Variants in ST3GAL3 observed in about 807,000 individuals in gnomAD.
The protein encoded by ST3GAL3 is CMP-N-acetylneuraminate-beta-1,4-galactoside alpha-2,3-sialyltransferase.
A neutral mutation model predicts 50.1 loss-of-function variants in ST3GAL3; 21 were observed. That is an observed-to-expected ratio of 0.42 (90% CI 0.30 to 0.60). The LOEUF (loss-of-function observed/expected upper bound fraction) is 0.60. Among genes scored for constraint, ST3GAL3 ranks in the 20% least tolerant of loss-of-function variants. ST3GAL3 has a pLI of 0.19. For missense variants in ST3GAL3, 353 were observed against 489.4 expected (o/e 0.72, Z 2.63); for synonymous variants, 183 against 190.0 (o/e 0.96, Z 0.30).
At chr1:43,912,993 G>A (rs1317312312) in intron 9 of ST3GAL3, 5 of 152,336 alleles carry the variant, frequency 3.3e-5, no homozygotes, top group African/African-American at 7.2e-5. Flanking sequence ...TTGGGGAAAT[G>A]AGATGTGAGA....
chr1:43,869,437 CCATCTT>C (rs1471923830), intron 5 of ST3GAL3, among the ~76,000 whole-genome samples: 1 of 152,134 alleles, frequency 6.6e-6, no homozygotes, highest in Non-Finnish European at 1.5e-5. Context: ...CTTGTCAGTT[CCATCTT>C]ACGACTTTTC....
chr1:43,716,277 A>G (rs1167495127), intron 1 of ST3GAL3, among the ~76,000 whole-genome samples: 1 of 152,214 alleles, frequency 6.6e-6, no homozygotes, highest in Non-Finnish European at 1.5e-5. Context: ...CCATCCCAGG[A>G]AAGGTCACCA....
At chr1:43,760,714 C>A (rs942603837) in intron 2 of ST3GAL3, among the ~76,000 whole-genome samples, 1 of 152,038 alleles carries the variant, frequency 6.6e-6, no homozygotes, top group Non-Finnish European at 1.5e-5. Flanking sequence ...TGAGATCATA[C>A]CACTGCATTC....
intron 5 of ST3GAL3, among the ~76,000 whole-genome samples, chr1:43,876,226 A>T (rs983344025): frequency 1.3e-5 from 2 of 152,086 alleles, no homozygotes; most frequent in Non-Finnish European, 2.9e-5. Context: ...GGCCTCCTAA[A>T]GTACTGGGAT....
intron 1 of ST3GAL3, among the ~76,000 whole-genome samples, chr1:43,726,419 T>C (rs554629377): frequency 6.6e-6 from 1 of 152,214 alleles, no homozygotes; most frequent in Non-Finnish European, 1.5e-5. Context: ...CCCAAGTAGC[T>C]GGGACTACAG....
chr1:43,863,355 G>A (rs1224981815), intron 5 of ST3GAL3, among the ~76,000 whole-genome samples: 5 of 152,284 alleles, frequency 3.3e-5, no homozygotes, highest in Non-Finnish European at 7.4e-5. Context: ...GTAGCTGTGC[G>A]GGCTGTGGCA....
intron 5 of ST3GAL3, among the ~76,000 whole-genome samples, chr1:43,885,376 C>G (rs901479526): frequency 6.6e-6 from 1 of 152,190 alleles, no homozygotes; most frequent in South Asian, 2.1e-4. Context: ...CCTCCTTCCC[C>G]GGGTCCTTCT....
chr1:43,796,943 G>A (rs1181820809), intron 3 of ST3GAL3, among the ~76,000 whole-genome samples: 1 of 152,220 alleles, frequency 6.6e-6, no homozygotes, highest in Non-Finnish European at 1.5e-5. Flanking sequence ...CAACACTTTG[G>A]GAGGCTGAGG....
At chr1:43,738,884 A>G (rs888188169) in intron 2 of ST3GAL3, 2 of 152,182 alleles carry the variant, frequency 1.3e-5, no homozygotes, top group African/African-American at 4.8e-5. Flanking sequence ...CTGTGTTTTA[A>G]TAATACTGAT....
At chr1:43,902,550 G>A (rs1239456161) in intron 9 of ST3GAL3, among the ~76,000 whole-genome samples, 1 of 152,140 alleles carries the variant, frequency 6.6e-6, no homozygotes, top group African/African-American at 2.4e-5. Flanking sequence ...CTGGACAGTG[G>A]CACTGATATC....
chr1:43,780,338 AGTT>A (rs751123439), intron 2 of ST3GAL3, among the ~76,000 whole-genome samples: 43 of 152,148 alleles, frequency 2.8e-4, no homozygotes, highest in Non-Finnish European at 4.3e-4. Flanking sequence ...ACCTGTTTGT[AGTT>A]GTTCTCTCTG....
intron 5 of ST3GAL3, among the ~76,000 whole-genome samples, chr1:43,861,309 CAT>C (rs1386884810): frequency 3.9e-5 from 6 of 152,306 alleles, no homozygotes; most frequent in African/African-American, 9.6e-5. Flanking sequence ...ATGTCCATGA[CAT>C]GTGTGTCCTG....
intron 1 of ST3GAL3, among the ~76,000 whole-genome samples, chr1:43,711,596 G>T (rs1472557816): frequency 6.6e-6 from 1 of 152,218 alleles, no homozygotes; most frequent in African/African-American, 2.4e-5. Context: ...ATTGACAGTA[G>T]CAAGAAATAA....
chr1:43,736,494 A>C (rs1260987243), intron 2 of ST3GAL3, 114 bp downstream of exon 2: 4 of 1,592,442 alleles, frequency 2.5e-6, no homozygotes, highest in Non-Finnish European at 3.4e-6. Flanking sequence ...AGTAAACTGA[A>C]CATTTCTGGG....
chr1:43,791,639 A>G (rs959978147), intron 2 of ST3GAL3, among the ~76,000 whole-genome samples: 49 of 152,228 alleles, frequency 3.2e-4, no homozygotes, highest in African/African-American at 1.2e-3. Flanking sequence ...TCTAGTGTAC[A>G]TTGTAAATTT....
intron 3 of ST3GAL3, among the ~76,000 whole-genome samples, chr1:43,798,345 C>T (rs954827630): frequency 1.3e-5 from 2 of 152,200 alleles, no homozygotes; most frequent in African/African-American, 4.8e-5. Context: ...CTTGTTACCA[C>T]TGAAGCCTCT....
At chr1:43,775,090 T>C (rs1040992054) in intron 2 of ST3GAL3, among the ~76,000 whole-genome samples, 3 of 152,182 alleles carry the variant, frequency 2.0e-5, no homozygotes, top group African/African-American at 7.2e-5. Context: ...TCTTTCCTAG[T>C]GTAAGAGCGA....
At chr1:43,876,778 C>T (rs1397757703) in intron 5 of ST3GAL3, among the ~76,000 whole-genome samples, 1 of 152,190 alleles carries the variant, frequency 6.6e-6, no homozygotes, top group Non-Finnish European at 1.5e-5. Context: ...AATGCTGCAG[C>T]CCAGTAGTTA....
At chr1:43,822,671 T>C (rs185496921) in intron 4 of ST3GAL3, among the ~76,000 whole-genome samples, 1 of 152,294 alleles carries the variant, frequency 6.6e-6, no homozygotes, top group Non-Finnish European at 1.5e-5. Flanking sequence ...ACCTACTATA[T>C]GCCCAGTGGT....
Sources: allele counts gnomAD v4.1 joint callset (sites outside exome capture counted in the v4.1 genomes callset), GRCh38; gene constraint gnomAD v4.1.1; transcripts MANE v1.5; gene names NCBI Gene and HGNC (gene_info 2026-07-23, HGNC 2026-07-21).